IGFBP5: variants seen among roughly 807,000 people sequenced by gnomAD.
IGFBP5 encodes insulin-like growth factor-binding protein 5.
Under a neutral mutation model 28.0 loss-of-function variants are expected in IGFBP5, and 12 were observed. The ratio of observed to expected loss-of-function variants is 0.43; its 90% confidence interval spans 0.27 to 0.69. IGFBP5 has a LOEUF of 0.69. IGFBP5 is among the 30% of genes least tolerant of loss of function. The pLI, the probability that IGFBP5 is intolerant of heterozygous loss-of-function variation, is 0.20. For synonymous variants in IGFBP5, 152 were observed against 150.2 expected, an observed-to-expected ratio of 1.01 and a Z score of -0.09; for missense variants, 344 against 381.6, an observed-to-expected ratio of 0.90 and a Z score of 0.82.
At position 216,672,486 on chromosome 2, in the gene IGFBP5, C is replaced by A; in HGVS notation, c.*4265G>T. The A allele has an allele frequency of 6.7e-6, 1 of 149,524 alleles. No individual in the cohort carries two copies. Among genetic ancestry groups the A allele is most frequent in the African/African-American group, 2.5e-5 (1 of 40,406 alleles). 9.3% of individuals were successfully genotyped at this position (149,524 alleles called of 1,614,324 possible). ...ATGTATGTAAAACTATAGAGAACTACAGTAATATGTACTGTGGTTATTGCT... is the reference window on the plus strand; with the variant it reads ...ATGTATGTAAAACTATAGAGAACTAAAGTAATATGTACTGTGGTTATTGCT... On this transcript the variant is annotated 3_prime_UTR_variant, in exon 4 of 4. Transcript: ENST00000233813.
At chr2:216,684,035 A>T (rs1297440668) in intron 1 of IGFBP5, among the ~76,000 whole-genome samples, 1 of 152,208 alleles carries the variant, frequency 6.6e-6, no homozygotes, top group Non-Finnish European at 1.5e-5. Context: ...GTGTTTGAGG[A>T]TTGCACCATC....
At chr2:216,681,828 A>G (rs1022107614) in intron 1 of IGFBP5, among the ~76,000 whole-genome samples, 11 of 152,050 alleles carry the variant, frequency 7.2e-5, no homozygotes, top group Non-Finnish European at 4.4e-5. Flanking sequence ...ACCTTTTGGG[A>G]CTTTTTCTAA....
chr2:216,680,788 A>T (rs1688969561), intron 1 of IGFBP5, among the ~76,000 whole-genome samples: 1 of 152,092 alleles, frequency 6.6e-6, no homozygotes, highest in African/African-American at 2.4e-5. Context: ...GCAAATAGCA[A>T]GGTGGTGGGT....
rs1432312199 is a variant in IGFBP5, at chr2:216,672,527, A to C, written c.*4224T>G. The C allele has an allele frequency of 6.6e-6, 1 of 151,952 alleles. No homozygotes were observed. The highest frequency in any genetic ancestry group is 6.6e-5 in the Admixed American group (1 of 15,248). The allele number at this position is 151,952 out of a possible 1,614,324, so 9.4% of individuals were successfully genotyped here. A position where few individuals can be genotyped will look rare whatever the true frequency, so the allele number is the denominator to read the frequency against. ...GGTTATTGCTGTCTTCAAAAAAAAA[A>C]AGAAAAAGAAAAACAACAACAACAA... On this transcript the variant is annotated 3_prime_UTR_variant, in exon 4 of 4. Coordinates refer to ENST00000233813, the MANE Select transcript of IGFBP5 (RefSeq NM_000599.4).
chr2:216,693,141 A>G lies in IGFBP5; in HGVS notation c.337+1298T>C, dbSNP rs1689120254. On this transcript the variant is annotated intron_variant, in intron 1 of 3. Transcript: ENST00000233813. ...CGTCTTAGAACCCAGACTTTTATGT[A>G]GTTTATTTAACTTTTTTTTTTTTTA... Among the ~76,000 whole-genome samples, 3 of 145,438 alleles carry G rather than the reference A, an allele frequency of 2.1e-5. No homozygotes were observed. The Admixed American group carries it at 2.1e-4, about 10-fold the overall frequency.
chr2:216,682,662 G>T (rs1008055762), intron 1 of IGFBP5, among the ~76,000 whole-genome samples: 18 of 151,760 alleles, frequency 1.2e-4, no homozygotes, highest in African/African-American at 4.4e-4. Context: ...GGGCGTGGGA[G>T]ACTGACACCC....
intron 1 of IGFBP5, among the ~76,000 whole-genome samples, chr2:216,687,433 T>C (rs749844160): frequency 1.7e-4 from 26 of 152,182 alleles, no homozygotes; most frequent in Non-Finnish European, 3.1e-4. Flanking sequence ...CCCTTACATC[T>C]GCCCCACTGT....
At chr2:216,678,318 G>T in intron 2 of IGFBP5, 87 bp from the exon 3 acceptor site, 1 of 1,360,350 alleles carries the variant, frequency 7.4e-7, no homozygotes, top group Non-Finnish European at 9.7e-7. Context: ...GGTGGGGGCT[G>T]AAGGGTCTCT....
chr2:216,687,232 C>T (rs528416026), intron 1 of IGFBP5, among the ~76,000 whole-genome samples: 11 of 152,280 alleles, frequency 7.2e-5, no homozygotes, highest in East Asian at 3.9e-4. Flanking sequence ...AGGTGCTCTC[C>T]GGACCCGTCT....
rs1689139985 is a variant in IGFBP5, at chr2:216,694,292, A to G, written c.337+147T>C. Reference sequence around the variant, plus strand: ...GGGTAGCAGGATCCTCCAGGGCTCCAATTCCGGGGTGCAAGGACCCTCCCC... The same window carrying G: ...GGGTAGCAGGATCCTCCAGGGCTCCGATTCCGGGGTGCAAGGACCCTCCCC... On this transcript the variant is annotated intron_variant, in intron 1 of 3. Coordinates refer to ENST00000233813, the MANE Select transcript of IGFBP5 (RefSeq NM_000599.4). This position sits in a 1 kb window ranked among gnomAD's most constrained non-coding sequence, Gnocchi z 5.2. 1.6e-6 allele frequency: 1 copy of G among 629,462 alleles called. No homozygotes were observed. Among genetic ancestry groups the G allele is most frequent in the African/African-American group, 2.0e-5 (1 of 51,120 alleles). The allele number at this position is 629,462 out of a possible 1,614,324, so 39.0% of individuals were successfully genotyped here.
Position 216,692,336 on chromosome 2 carries a change from G to A in IGFBP5, c.337+2103C>T, listed in dbSNP as rs1202911820. ...GCAAGGGGCGGCAGGGAATTCTACA[G>A]GGGATCTTGCTTGGGACTGAAGTGT... On this transcript the variant is annotated intron_variant, in intron 1 of 3. Transcript: ENST00000233813. The surrounding 1 kb of genome is among the most constrained non-coding windows in gnomAD (Gnocchi z 4.2). Among the ~76,000 whole-genome samples the A allele has an allele frequency of 6.7e-6, 1 of 150,044 alleles. No homozygotes were observed. The highest frequency in any genetic ancestry group is 1.5e-5 in the Non-Finnish European group (1 of 67,580).
Position 216,676,777 on chromosome 2 carries a change from T to C in IGFBP5, c.793A>G (p.Thr265Ala). 6.2e-7 allele frequency: 1 copy of C among 1,613,658 alleles called. No individual in the cohort carries two copies. Among genetic ancestry groups the C allele is most frequent in the Non-Finnish European group, 8.5e-7 (1 of 1,179,812 alleles). The stretch of plus-strand genomic sequence containing the variant: ...CACTCAACGTTGCTGCTGTCGAAGG[T>C]GTGGCACTGAAAGTCCCCGTCAACG... ...EYVDGDFQCH[T>A]FDSSNVE is the part of the protein sequence containing the mutation. Residue 265 changes from threonine (T) to alanine (A), a missense_variant, in exon 4 of 4, where the codon ACC (threonine) becomes GCC (alanine). Physicochemically the swap from Thr to Ala is moderately conservative, Grantham distance 58 (BLOSUM62 0). This residue lies in a region of IGFBP5 where 36 missense variants were observed against 34.1 expected (regional missense o/e 1.06). Transcript: ENST00000233813.
rs543316357 is a variant in IGFBP5 at position 216,692,639 on chromosome 2, C to T, written c.337+1800G>A. ...CTAGGCTTTTCCAAATCCACATCCC[C>T]CAAGATGAAGGCGGGCAGGACCGCC... On this transcript the variant is annotated intron_variant, in intron 1 of 3. Coordinates refer to ENST00000233813, the MANE Select transcript of IGFBP5 (RefSeq NM_000599.4). This position sits in a 1 kb window ranked among gnomAD's most constrained non-coding sequence, Gnocchi z 4.2. Among the ~76,000 whole-genome samples the T allele has an allele frequency of 6.6e-6, 1 of 152,126 alleles. No homozygotes were observed. The highest frequency in any genetic ancestry group is 1.5e-5 in the Non-Finnish European group (1 of 68,016).
intron 1 of IGFBP5, among the ~76,000 whole-genome samples, chr2:216,683,977 C>T (rs1689007954): frequency 6.6e-6 from 1 of 152,154 alleles, no homozygotes; most frequent in African/African-American, 2.4e-5. Context: ...GCAGCATCCA[C>T]AGAGGCACAC....
chr2:216,690,796 A>G (rs1028283896), intron 1 of IGFBP5, among the ~76,000 whole-genome samples: 79 of 150,870 alleles, frequency 5.2e-4, no homozygotes, highest in African/African-American at 1.9e-3. Flanking sequence ...GGGGAAAAAG[A>G]GAAATGGAAA....
rs1305562352 is a variant in IGFBP5, at chr2:216,675,278, C to A, written c.*1473G>T. On this transcript the variant is annotated 3_prime_UTR_variant, in exon 4 of 4. Coordinates refer to ENST00000233813, the MANE Select transcript of IGFBP5 (RefSeq NM_000599.4). ...GCCATCTCTTACTTCAGTCTCCCTC[C>A]TGCTCTGCCAGCATGGAGAGTGAGG... 1 of 152,534 alleles carries A rather than the reference C, an allele frequency of 6.6e-6. No homozygotes were observed. The highest frequency in any genetic ancestry group is 1.5e-5 in the Non-Finnish European group (1 of 68,102). The allele number at this position is 152,534 out of a possible 1,614,324, so 9.4% of individuals were successfully genotyped here. A position where few individuals can be genotyped will look rare whatever the true frequency, so the allele number is the denominator to read the frequency against.
intron 1 of IGFBP5, among the ~76,000 whole-genome samples, chr2:216,688,578 G>A (rs1689057299): frequency 6.6e-6 from 1 of 152,122 alleles, no homozygotes. Context: ...AGTCATCCTG[G>A]CTGAGGTGAC....
chr2:216,679,005 GGAA>G lies in IGFBP5; in HGVS notation c.409_411del (p.Phe137del). 1.2e-6 allele frequency: 2 copies of G among 1,614,088 alleles called. No homozygotes were observed. ...TCGGAGATGCGGGTGTGTTTGGGCC[GGAA>G]GATCTTGGGGGAGTAGGTCTCCTCG... is the stretch of plus-strand genomic sequence containing the variant. On this transcript the variant is annotated inframe_deletion, in exon 2 of 4. Transcript: ENST00000233813. The surrounding 1 kb of genome is among the most constrained non-coding windows in gnomAD (Gnocchi z 4.6).
In IGFBP5 at chr2:216,672,138, T is replaced by C. The variant is rs1434939123; in HGVS notation, c.*4613A>G. 6.6e-6 allele frequency: 1 copy of C among 152,190 alleles called. No individual in the cohort carries two copies. The highest frequency in any genetic ancestry group is 2.4e-5 in the African/African-American group (1 of 41,452). The allele number at this position is 152,190 out of a possible 1,614,324, so 9.4% of individuals were successfully genotyped here. A position where few individuals can be genotyped will look rare whatever the true frequency, so the allele number is the denominator to read the frequency against. ...TGCATAACTTTATTAAATAAATGCT[T>C]TGTCATGACAAAAGACAAAGATCAA... On this transcript the variant is annotated 3_prime_UTR_variant, in exon 4 of 4. Transcript: ENST00000233813.
Sources: gnomAD v4.1 joint callset for allele counts (sites outside exome capture counted in the v4.1 genomes callset) on GRCh38, gnomAD v4.1.1 for gene constraint, gnomAD v4.1.1 regional missense constraint, Gnocchi (gnomAD v3.1) non-coding constraint, MANE v1.5 for transcripts, NCBI Gene and HGNC (gene_info 2026-07-23, HGNC 2026-07-21) for gene names.